VPS37A: variants seen among roughly 807,000 people sequenced by gnomAD.
VPS37A encodes the protein VPS37A subunit of ESCRT-I.
A neutral mutation model predicts 49.8 loss-of-function variants in VPS37A; 30 were observed. That is an observed-to-expected ratio of 0.60 (90% CI 0.45 to 0.82). The LOEUF is 0.82. VPS37A is among the 40% of genes least tolerant of loss of function. The pLI is 0.00. For synonymous variants in VPS37A, 195 were observed against 160.6 expected (o/e 1.21, Z -1.62); for missense variants, 593 against 464.4 (o/e 1.28, Z -2.55).
At chr8:17,265,772 T>TA (rs1813392613) in intron 1 of VPS37A, 135 bp from the exon 2 acceptor site, 1 of 1,542,830 alleles carries the variant, frequency 6.5e-7, no homozygotes, top group African/African-American at 1.4e-5. Context: ...CCCCTCAAGA[T>TA]ACAAGTTATG....
the VPS37A span, among the ~76,000 whole-genome samples, chr8:17,318,381 G>A: frequency 0.012 from 1,770 of 152,162 alleles, 34 homozygotes; most frequent in African/African-American, 0.039. Flanking sequence ...AGTGAACAGC[G>A]TTCATGATAA....
chr8:17,275,104 G>A (rs1481829878), intron 5 of VPS37A, 146 bp downstream of exon 5: 4 of 735,636 alleles, frequency 5.4e-6, no homozygotes, highest in South Asian at 2.0e-5. Context: ...CAAGTAACAG[G>A]TAACCAACAA....
the VPS37A span, chr8:17,309,350 T>C: frequency 1.3e-6 from 2 of 1,512,300 alleles, no homozygotes; most frequent in South Asian, 1.1e-5. Context: ...AATACAAATA[T>C]CTTGGAGAGA....
intron 6 of VPS37A, chr8:17,279,750 A>T: frequency 2.0e-6 from 1 of 491,492 alleles, no homozygotes; most frequent in Non-Finnish European, 4.0e-6. Flanking sequence ...ACACTTCCCC[A>T]CGGTTGTGAT....
intron 3 of VPS37A, 79 bp downstream of exon 3, chr8:17,268,451 A>G (rs1414330692): frequency 7.3e-6 from 8 of 1,094,906 alleles, no homozygotes; most frequent in Non-Finnish European, 9.1e-6. Context: ...GAAATCTGAA[A>G]TGCATTTAAA....
chr8:17,275,675 A>G (rs1280912885), intron 5 of VPS37A, among the ~76,000 whole-genome samples: 1 of 152,220 alleles, frequency 6.6e-6, no homozygotes, highest in Non-Finnish European at 1.5e-5. Flanking sequence ...TTCCTGAAGG[A>G]GAGACTAATA....
At position 17,252,571 on chromosome 8, in the gene VPS37A, G is replaced by A. The variant is rs149169634; in HGVS notation, c.125+5202G>A. On this transcript the variant is annotated intron_variant, in intron 1 of 11. Coordinates refer to ENST00000324849, the MANE Select transcript of VPS37A (RefSeq NM_152415.3). ...GAAGATTTCCCCTATGTCCCCTGTC[G>A]TCTCTAACTCTTCTTTTAAAATGGA... 9.1e-4 allele frequency among the ~76,000 whole-genome samples: 138 copies of A among 152,192 alleles called. 1 individual carries two copies. Among genetic ancestry groups the A allele is most frequent in the Middle Eastern group, 3.4e-3 (1 of 294 alleles).
chr8:17,287,171 T>A (rs183320912), intron 11 of VPS37A, among the ~76,000 whole-genome samples: 9 of 152,266 alleles, frequency 5.9e-5, no homozygotes, highest in East Asian at 5.8e-4. Flanking sequence ...TAGGAATGAT[T>A]TGTTTGCAAG....
At chr8:17,308,142 C>CA in the VPS37A span, among the ~76,000 whole-genome samples, 1 of 151,564 alleles carries the variant, frequency 6.6e-6, no homozygotes, top group Admixed American at 6.6e-5. Context: ...TTTATGGCTT[C>CA]AGAATTATTT....
At position 17,287,537 on chromosome 8, in the gene VPS37A, G is replaced by C. The variant is rs112225471; in HGVS notation, c.*1110G>C. On this transcript the variant is annotated intron_variant, in intron 11 of 11. Transcript: ENST00000324849. Reference sequence around the variant, plus strand: ...AAAATACAAAAAAAATATTAGCCGGGCATGGTGGCAGGCACCTGTAGTCTC... The same window carrying C: ...AAAATACAAAAAAAATATTAGCCGGCCATGGTGGCAGGCACCTGTAGTCTC... Among the ~76,000 whole-genome samples, 705 of 152,120 alleles carry C rather than the reference G, an allele frequency of 4.6e-3. 5 individuals are homozygous for C. Among genetic ancestry groups the C allele is most frequent in the African/African-American group, 0.016 (672 of 41,484 alleles).
chr8:17,282,835 G>A (rs1000379611), intron 9 of VPS37A, among the ~76,000 whole-genome samples: 2 of 152,092 alleles, frequency 1.3e-5, no homozygotes, highest in East Asian at 1.9e-4. Context: ...TGAATCTTCT[G>A]CGCTCTTACA....
In VPS37A at chr8:17,266,934, G is replaced by A. The variant is rs953415076; in HGVS notation, c.200+953G>A. ...ATTACAGGCACGCCCCACCATGCCC[G>A]GCTAATTTTTGAATTTTCAGTAGAG... On this transcript the variant is annotated intron_variant, in intron 2 of 11. Coordinates refer to ENST00000324849, the MANE Select transcript of VPS37A (RefSeq NM_152415.3). Among the ~76,000 whole-genome samples, 8 of 151,972 alleles carry A rather than the reference G, an allele frequency of 5.3e-5. No homozygotes were observed. The East Asian group carries it at 1.2e-3, about 22-fold the overall frequency.
At chr8:17,305,644 T>C (rs540674945), downstream of VPS37A, 10 of 825,422 alleles carry the variant, frequency 1.2e-5, no homozygotes, top group South Asian at 1.2e-4. Flanking sequence ...TCTGTCAGTA[T>C]AGGTATGTGA....
At chr8:17,282,770 C>T (rs1245646659) in intron 9 of VPS37A, among the ~76,000 whole-genome samples, 1 of 151,768 alleles carries the variant, frequency 6.6e-6, no homozygotes, top group Non-Finnish European at 1.5e-5. Flanking sequence ...ACACACAAAA[C>T]AATGATTCCT....
chr8:17,286,015 G>A (rs1272888855), intron 10 of VPS37A, among the ~76,000 whole-genome samples: 3 of 152,090 alleles, frequency 2.0e-5, no homozygotes, highest in Admixed American at 2.0e-4. Flanking sequence ...GGTGTCATGT[G>A]ATCCTCTGCC....
intron 11 of VPS37A, among the ~76,000 whole-genome samples, chr8:17,287,571 G>A (rs535377348): frequency 7.2e-5 from 11 of 152,034 alleles, no homozygotes; most frequent in East Asian, 5.8e-4. Flanking sequence ...TCAGCTACTC[G>A]GGAGGCTGAG....
intron 6 of VPS37A, among the ~76,000 whole-genome samples, chr8:17,278,333 T>C (rs1465230775): frequency 6.6e-6 from 1 of 152,118 alleles, no homozygotes; most frequent in Non-Finnish European, 1.5e-5. Context: ...ATTTTATCAT[T>C]ACCACCAGAA....
At chr8:17,301,879 C>G, downstream of VPS37A, 1 of 425,458 alleles carries the variant, frequency 2.4e-6, no homozygotes, top group Non-Finnish European at 4.1e-6. Context: ...TTTTACTACT[C>G]TCAAATAACA....
chr8:17,268,983 A>C (rs1448679225), intron 4 of VPS37A, 27 bp downstream of exon 4: 2 of 1,477,762 alleles, frequency 1.4e-6, no homozygotes, highest in Non-Finnish European at 9.2e-7. Context: ...TAAATAAAAA[A>C]GTCTGCCTGT....
Sources: gnomAD v4.1 joint callset for allele counts (sites outside exome capture counted in the v4.1 genomes callset) on GRCh38, gnomAD v4.1.1 for gene constraint, MANE v1.5 for transcripts, NCBI Gene and HGNC (gene_info 2026-07-23, HGNC 2026-07-21) for gene names.